REPS2: variants seen among roughly 807,000 people sequenced by gnomAD.
REPS2 encodes the protein ralBP1-associated Eps domain-containing protein 2.
Under a neutral mutation model 53.6 loss-of-function variants are expected in REPS2, and 23 were observed. The observed-to-expected ratio is 0.43, with a 90% CI of 0.31 to 0.61. REPS2 has a LOEUF of 0.61. Among genes scored for constraint, REPS2 ranks in the 20% least tolerant of loss-of-function variants. The pLI is 0.11. For synonymous variants in REPS2, 238 were observed against 218.6 expected, an observed-to-expected ratio of 1.09 and a Z score of -0.78; for missense variants, 446 against 534.9, an observed-to-expected ratio of 0.83 and a Z score of 1.64.
At chrX:17,101,535 A>G (rs1487206366) in intron 13 of REPS2, among the ~76,000 whole-genome samples, 1 of 112,455 alleles carries the variant, frequency 8.9e-6, no homozygotes, top group Non-Finnish European at 1.9e-5. Context: ...ATAAACCACA[A>G]TAAATGATGT....
intron 13 of REPS2, among the ~76,000 whole-genome samples, chrX:17,081,593 G>A (rs1422409003): frequency 8.9e-6 from 1 of 112,553 alleles, no homozygotes; most frequent in East Asian, 2.8e-4. Context: ...CTTCAACTTT[G>A]GTGTCTGTAA....
chrX:17,165,580 A>G, the REPS2 span, among the ~76,000 whole-genome samples: 1 of 111,602 alleles, frequency 9.0e-6, no homozygotes, highest in Non-Finnish European at 1.9e-5. Flanking sequence ...CACCCTATTT[A>G]GTTGTCTGAG....
In REPS2 at chrX:17,135,245, T is replaced by C. The variant is rs1193173197; in HGVS notation, c.1663-16T>C. The C allele has an allele frequency of 8.4e-7, 1 of 1,193,233 alleles. No individual in the cohort carries two copies. Among genetic ancestry groups the C allele is most frequent in the Non-Finnish European group, 1.1e-6 (1 of 888,706 alleles). The stretch of plus-strand genomic sequence containing the variant: ...ATGTTTAACTTTTTAATTTTTATTT[T>C]GTTTTAAATCCACAGGATGTACTGT... On this transcript the variant is annotated splice_polypyrimidine_tract_variant and intron_variant, in intron 15 of 17. Coordinates refer to ENST00000357277, the MANE Select transcript of REPS2 (RefSeq NM_004726.3).
At chrX:17,052,540 A>G (rs2147931078) in intron 7 of REPS2, 95 bp downstream of exon 7, 1 of 647,942 alleles carries the variant, frequency 1.5e-6, no homozygotes. Context: ...TATGTTTTGA[A>G]TGATGTTTTT....
chrX:17,059,969 C>CAA (rs2062134811), intron 8 of REPS2, among the ~76,000 whole-genome samples: 1 of 112,586 alleles, frequency 8.9e-6, no homozygotes, highest in East Asian at 2.8e-4. Flanking sequence ...ATAGTTTCAT[C>CAA]AAGAGTCTCC....
chrX:16,961,265 GA>G (rs2060658707), intron 1 of REPS2, among the ~76,000 whole-genome samples: 1 of 111,483 alleles, frequency 9.0e-6, no homozygotes, highest in South Asian at 3.7e-4. Context: ...TAGATCAATA[GA>G]ATAGAACAGA....
At chrX:17,044,724 C>G (rs1381476892) in intron 5 of REPS2, among the ~76,000 whole-genome samples, 2 of 111,724 alleles carry the variant, frequency 1.8e-5, no homozygotes, top group Non-Finnish European at 3.8e-5. Context: ...CCTGTGAGTT[C>G]TCCACATTAT....
At chrX:17,033,298 G>T (rs1339521196) in intron 5 of REPS2, among the ~76,000 whole-genome samples, 1 of 111,278 alleles carries the variant, frequency 9.0e-6, no homozygotes, top group Non-Finnish European at 1.9e-5. Flanking sequence ...TGCCTCATTT[G>T]TTTCAATCCT....
the REPS2 span, among the ~76,000 whole-genome samples, chrX:17,163,050 A>G: frequency 9.8e-5 from 11 of 112,479 alleles, no homozygotes; most frequent in Admixed American, 1.0e-3. Context: ...TCTTGGGCTT[A>G]TTAGACAAAT....
rs771695235 is a variant in REPS2 at position 17,133,837 on chromosome X, C to T, written c.1592C>T (p.Ser531Leu). The part of the protein sequence containing the change: ...RPCPSQSEQV[S>L]EAELLPQLSR... ...CTCTTGCTACAGTCTGAACAAGTGT[C>T]GGAGGCCGAGTTACTCCCACAGCTG... The change falls in exon 15 of 18, where the codon TCG (serine) becomes TTG (leucine). Residue 531 changes from serine to leucine, a missense_variant. Physicochemically the swap from Ser to Leu is moderately radical, Grantham distance 145. Transcript: ENST00000357277. 3.2e-5 allele frequency: 39 copies of T among 1,207,809 alleles called. No individual in the cohort carries two copies. Among genetic ancestry groups the T allele is most frequent in the African/African-American group, 8.8e-5 (5 of 56,972 alleles).
chrX:17,003,796 T>G (rs1256913950), intron 1 of REPS2, among the ~76,000 whole-genome samples: 1 of 111,916 alleles, frequency 8.9e-6, no homozygotes, highest in Non-Finnish European at 1.9e-5. Flanking sequence ...GGAAAGAAAG[T>G]ATTATTTCAG....
At chrX:17,135,682 C>G (rs1458302261) in intron 16 of REPS2, 2 of 270,436 alleles carry the variant, frequency 7.4e-6, no homozygotes, top group African/African-American at 5.6e-5. Context: ...TCTGTTGTTT[C>G]CTACTCCTCT....
the REPS2 span, among the ~76,000 whole-genome samples, chrX:17,183,805 T>C: frequency 8.9e-6 from 1 of 112,180 alleles, no homozygotes; most frequent in Admixed American, 9.4e-5. Context: ...ACTTCCCCTC[T>C]GGCCACATTT....
At chrX:17,192,786 A>G in the REPS2 span, among the ~76,000 whole-genome samples, 1 of 111,570 alleles carries the variant, frequency 9.0e-6, no homozygotes, top group Non-Finnish European at 1.9e-5. Context: ...TTCACTCAGT[A>G]ATTATCTCCC....
intron 8 of REPS2, among the ~76,000 whole-genome samples, chrX:17,061,340 A>G (rs1032937962): frequency 2.7e-5 from 3 of 111,907 alleles, no homozygotes; most frequent in Non-Finnish European, 5.6e-5. Flanking sequence ...GGGTCTCACT[A>G]TGTTGCCCAG....
At chrX:16,997,754 G>A (rs1240637694) in intron 1 of REPS2, among the ~76,000 whole-genome samples, 1 of 112,362 alleles carries the variant, frequency 8.9e-6, no homozygotes, top group Non-Finnish European at 1.9e-5. Context: ...TACTTCTAAT[G>A]AATTTTATAC....
At chrX:17,188,804 G>T in the REPS2 span, among the ~76,000 whole-genome samples, 6 of 111,866 alleles carry the variant, frequency 5.4e-5, no homozygotes, top group Non-Finnish European at 1.9e-5. Context: ...GCTTGTTTGG[G>T]CTTTTAGATT....
intron 2 of REPS2, among the ~76,000 whole-genome samples, chrX:17,019,344 C>T: frequency 8.9e-6 from 1 of 112,204 alleles, no homozygotes; most frequent in Non-Finnish European, 1.9e-5. Context: ...TCTCCTCAGA[C>T]CCTCTAAACA....
chrX:17,129,181 G>A (rs910214868), intron 14 of REPS2, among the ~76,000 whole-genome samples: 3 of 111,472 alleles, frequency 2.7e-5, no homozygotes, highest in African/African-American at 9.8e-5. Flanking sequence ...TTGTTTTCTT[G>A]GATTATCATT....
Sources: allele counts gnomAD v4.1 joint callset (sites outside exome capture counted in the v4.1 genomes callset), GRCh38; gene constraint gnomAD v4.1.1; transcripts MANE v1.5; gene names NCBI Gene and HGNC (gene_info 2026-07-23, HGNC 2026-07-21).